Variants in SLC35F3 observed in about 807,000 individuals in gnomAD.
The protein encoded by SLC35F3 is solute carrier family 35 member F3, also known as putative thiamine transporter SLC35F3.
Under a neutral mutation model 49.9 loss-of-function variants are expected in SLC35F3, and 25 were observed. The ratio of observed to expected loss-of-function variants is 0.50; its 90% CI spans 0.37 to 0.70. The LOEUF (loss-of-function observed/expected upper bound fraction) is 0.70, where lower values mean the gene tolerates loss of function less well. Among genes scored for constraint, SLC35F3 ranks in the 30% least tolerant of loss-of-function variants. The pLI is 0.00. For missense variants in SLC35F3, 525 were observed against 639.8 expected, an observed-to-expected ratio of 0.82 and a Z score of 1.94; for synonymous variants, 275 against 265.4, an observed-to-expected ratio of 1.04 and a Z score of -0.35.
At chr1:234,291,744 G>A (rs1013060770) in intron 3 of SLC35F3, among the ~76,000 whole-genome samples, 3 of 152,176 alleles carry the variant, frequency 2.0e-5, no homozygotes, top group Admixed American at 6.5e-5. Flanking sequence ...TGGGGTTTTC[G>A]TGATGGAGAA....
At chr1:234,296,719 C>T (rs628407) in intron 3 of SLC35F3, among the ~76,000 whole-genome samples, 114,669 of 151,606 alleles carry the variant, frequency 0.76, 43,697 homozygotes, top group Admixed American at 0.79. Flanking sequence ...TGCTATTTGA[C>T]TGAGCATGCA....
intron 3 of SLC35F3, among the ~76,000 whole-genome samples, chr1:234,299,601 T>G (rs979970509): frequency 6.6e-6 from 1 of 151,848 alleles, no homozygotes; most frequent in African/African-American, 2.4e-5. Context: ...GTCAGGAGAT[T>G]GAGATCATCC....
intron 2 of SLC35F3, among the ~76,000 whole-genome samples, chr1:233,960,431 A>C (rs1662776107): frequency 6.6e-6 from 1 of 152,162 alleles, no homozygotes; most frequent in Non-Finnish European, 1.5e-5. Context: ...TCAGTTTAAA[A>C]CACAGAATTT....
rs967312586 is a variant in SLC35F3, at chr1:234,320,666, G to C, written c.1237+479G>C. On this transcript the variant is annotated intron_variant, in intron 7 of 7. Transcript: ENST00000366618. The surrounding 1 kb of genome is among the most constrained non-coding windows in gnomAD (Gnocchi z 4.8). The stretch of plus-strand genomic sequence containing the variant: ...TGAGGTAGAAACATGCTGACAAGCT[G>C]AAGAAGCGTGAACGGCATTTTCCCT... 1.3e-5 allele frequency among the ~76,000 whole-genome samples: 2 copies of C among 152,194 alleles called. No homozygotes were observed. Among genetic ancestry groups the C allele is most frequent in the South Asian group, 2.1e-4 (1 of 4,832 alleles).
chr1:234,152,056 C>G, intron 2 of SLC35F3, among the ~76,000 whole-genome samples: 1 of 150,346 alleles, frequency 6.7e-6, no homozygotes, highest in Non-Finnish European at 1.5e-5. Context: ...CCCAAATGAC[C>G]AAGACCCAGA....
intron 2 of SLC35F3, among the ~76,000 whole-genome samples, chr1:233,925,423 A>G (rs1216563860): frequency 1.3e-5 from 2 of 152,062 alleles, no homozygotes; most frequent in African/African-American, 2.4e-5. Flanking sequence ...TTGTTGGTTT[A>G]AAGTCTGTTT....
intron 2 of SLC35F3, among the ~76,000 whole-genome samples, chr1:234,160,108 G>A (rs747388592): frequency 1.3e-5 from 2 of 152,142 alleles, no homozygotes; most frequent in African/African-American, 2.4e-5. Flanking sequence ...TCTCCATCAA[G>A]GGCCCAGCCT....
At position 234,066,022 on chromosome 1, in the gene SLC35F3, C is replaced by T. The variant is rs933807787; in HGVS notation, c.283+160264C>T. ...CGGTTCCATCCCGGTTGCATCTTGG[C>T]GCCACCTGGTGGCACGATTCTGCTC... On this transcript the variant is annotated intron_variant, in intron 2 of 7. Coordinates refer to ENST00000366618, the MANE Select transcript of SLC35F3 (RefSeq NM_173508.4). Among the ~76,000 whole-genome samples, 4 of 152,206 alleles carry T rather than the reference C, an allele frequency of 2.6e-5. No individual in the cohort carries two copies. The South Asian group carries it at 8.3e-4, about 31-fold the overall frequency.
chr1:234,191,024 A>G (rs1208532912), intron 2 of SLC35F3, among the ~76,000 whole-genome samples: 4 of 152,230 alleles, frequency 2.6e-5, no homozygotes, highest in South Asian at 2.1e-4. Context: ...CCCTTCTTAT[A>G]TATTAGGTAA....
chr1:234,176,474 A>G, intron 2 of SLC35F3, among the ~76,000 whole-genome samples: 1 of 152,180 alleles, frequency 6.6e-6, no homozygotes, highest in Non-Finnish European at 1.5e-5. Context: ...AGGACCCCAG[A>G]GCCCCCTCAC....
intron 2 of SLC35F3, among the ~76,000 whole-genome samples, chr1:234,171,969 T>C (rs1470215528): frequency 6.7e-6 from 1 of 150,262 alleles, no homozygotes; most frequent in Non-Finnish European, 1.5e-5. Context: ...ACCGCCCTAC[T>C]TCCCCAACCC....
intron 3 of SLC35F3, among the ~76,000 whole-genome samples, chr1:234,239,964 G>A (rs1572110062): frequency 9.0e-6 from 1 of 110,550 alleles, no homozygotes; most frequent in South Asian, 2.9e-4. Context: ...TGTGTAGATC[G>A]TGTTTGAAAT....
intron 3 of SLC35F3, among the ~76,000 whole-genome samples, chr1:234,273,861 G>C (rs1668152708): frequency 1.3e-5 from 2 of 152,146 alleles, no homozygotes; most frequent in African/African-American, 4.8e-5. Context: ...CCAGCTCCCG[G>C]AGGCATCCAG....
intron 2 of SLC35F3, among the ~76,000 whole-genome samples, chr1:234,091,315 C>T (rs985242821): frequency 2.6e-5 from 4 of 152,194 alleles, no homozygotes; most frequent in African/African-American, 9.7e-5. Flanking sequence ...ACTCTCAGTC[C>T]TTTAATGGAC....
chr1:234,291,555 G>A (rs1668508462), intron 3 of SLC35F3, among the ~76,000 whole-genome samples: 1 of 152,156 alleles, frequency 6.6e-6, no homozygotes, highest in South Asian at 2.1e-4. Flanking sequence ...AGTCTCTTCA[G>A]TCTCCCAAGT....
intron 2 of SLC35F3, among the ~76,000 whole-genome samples, chr1:234,186,957 AT>A (rs1420904331): frequency 6.6e-6 from 1 of 152,098 alleles, no homozygotes; most frequent in Non-Finnish European, 1.5e-5. Flanking sequence ...CTGGCTCTGC[AT>A]CCTGTGTCTC....
intron 2 of SLC35F3, among the ~76,000 whole-genome samples, chr1:234,148,670 T>C (rs1021644341): frequency 4.6e-5 from 7 of 152,216 alleles, no homozygotes; most frequent in South Asian, 2.1e-4. Context: ...CTCTGGCTGC[T>C]TTACAAAGTA....
At chr1:234,001,002 G>A (rs900602999) in intron 2 of SLC35F3, among the ~76,000 whole-genome samples, 4 of 152,192 alleles carry the variant, frequency 2.6e-5, no homozygotes, top group Non-Finnish European at 5.9e-5. Flanking sequence ...AGAGGCAGGA[G>A]TACAAAGAGA....
At chr1:234,218,559 G>A (rs1667157131) in intron 2 of SLC35F3, among the ~76,000 whole-genome samples, 1 of 152,124 alleles carries the variant, frequency 6.6e-6, no homozygotes, top group African/African-American at 2.4e-5. Flanking sequence ...CCTAAGCAAG[G>A]GTAAGTATTG....
Sources: gnomAD v4.1 joint callset for allele counts (sites outside exome capture counted in the v4.1 genomes callset) on GRCh38, gnomAD v4.1.1 for gene constraint, Gnocchi (gnomAD v3.1) non-coding constraint, MANE v1.5 for transcripts, NCBI Gene and HGNC (gene_info 2026-07-23, HGNC 2026-07-21) for gene names.